The following WLS variants were observed in gnomAD, a reference collection of about 807,000 sequenced individuals.
The protein encoded by WLS is Wnt ligand secretion mediator.
A neutral mutation model predicts 62.8 loss-of-function variants in WLS; 23 were observed. The ratio of observed to expected loss-of-function variants is 0.37; its 90% CI spans 0.26 to 0.52. WLS has a LOEUF of 0.52. Ranked by LOEUF, WLS falls within the 20% of genes least tolerant of loss-of-function variation. The pLI is 0.92. For synonymous variants in WLS, 246 were observed against 244.1 expected (o/e 1.01, Z -0.07); for missense variants, 615 against 697.3 (o/e 0.88, Z 1.33).
At chr1:68,098,600 C>A in exon 12 of WLS, 1 of 1,609,930 alleles carries the variant, frequency 6.2e-7, no homozygotes, top group Non-Finnish European at 8.5e-7. Flanking sequence ...ACTGCAAATG[C>A]AAAGCTGATA....
chr1:68,129,049 G>T (rs1646478358), intron 11 of WLS, among the ~76,000 whole-genome samples: 1 of 152,180 alleles, frequency 6.6e-6, no homozygotes, highest in Non-Finnish European at 1.5e-5. Flanking sequence ...ATACAGCCGG[G>T]TGCGGTGGCT....
rs1380880468 is a variant in WLS, at chr1:68,127,672, CATATG to C, written c.1517-1342_1517-1338del. On this transcript the variant is annotated intron_variant, in intron 11 of 11. Coordinates refer to ENST00000262348, the MANE Select transcript of WLS (RefSeq NM_024911.7). Reference sequence around the variant, plus strand: ...AGTGATTTTTATATTGTGCACATATCATATGATAAGTTTTCTGGAACTGAAGTTTT... The same window carrying C: ...AGTGATTTTTATATTGTGCACATATCATAAGTTTTCTGGAACTGAAGTTTT... Among the ~76,000 whole-genome samples, 10 of 152,296 alleles carry C rather than the reference CATATG, an allele frequency of 6.6e-5. No individual in the cohort carries two copies. In the South Asian group the frequency reaches 8.3e-4, roughly 13 times the overall value.
intron 1 of WLS, chr1:68,231,478 C>G: frequency 3.5e-6 from 1 of 284,522 alleles, no homozygotes; most frequent in South Asian, 3.2e-5. Context: ...AAAGCAACAC[C>G]TTTCGGATAC....
intron 2 of WLS, among the ~76,000 whole-genome samples, chr1:68,193,347 A>G (rs1457159556): frequency 8.1e-6 from 1 of 123,436 alleles, no homozygotes; most frequent in African/African-American, 3.0e-5. Context: ...TTTTCTCCCC[A>G]TGAAAAGTTT....
chr1:68,207,433 C>T (rs959598601), intron 1 of WLS, among the ~76,000 whole-genome samples: 2 of 152,018 alleles, frequency 1.3e-5, no homozygotes, highest in African/African-American at 4.8e-5. Flanking sequence ...AGATCATTGA[C>T]AAAATTTGCT....
At position 68,125,880 on chromosome 1, in the gene WLS, G is replaced by A. The variant is rs1036845150; in HGVS notation, c.*346C>T. On this transcript the variant is annotated 3_prime_UTR_variant, in exon 12 of 12. Transcript: ENST00000262348. Reference sequence around the variant, plus strand: ...ATGTCAAATATTCCACTCCCCATTCGGCCCAAACCATCCCCCAAGGAATAC... The same window carrying A: ...ATGTCAAATATTCCACTCCCCATTCAGCCCAAACCATCCCCCAAGGAATAC... The A allele has an allele frequency of 1.1e-4, 111 of 1,044,072 alleles. No homozygotes were observed. Among genetic ancestry groups the A allele is most frequent in the Non-Finnish European group, 1.2e-4 (105 of 867,892 alleles). 64.7% of individuals were successfully genotyped at this position (1,044,072 alleles called of 1,614,324 possible). A position where few individuals can be genotyped will look rare whatever the true frequency, so the allele number is the denominator to read the frequency against.
At chr1:68,185,162 T>C (rs1570971971) in intron 2 of WLS, among the ~76,000 whole-genome samples, 1 of 152,090 alleles carries the variant, frequency 6.6e-6, no homozygotes. Context: ...TCAAGTCTCA[T>C]AGGTTGAAAG....
At chr1:68,135,779 T>C (rs1267744322) in intron 11 of WLS, among the ~76,000 whole-genome samples, 1 of 152,172 alleles carries the variant, frequency 6.6e-6, no homozygotes, top group African/African-American at 2.4e-5. Flanking sequence ...TCAAGATTCT[T>C]GTCCACAAGC....
At chr1:68,105,662 C>T (rs989743218) in intron 11 of WLS, among the ~76,000 whole-genome samples, 3 of 152,262 alleles carry the variant, frequency 2.0e-5, no homozygotes, top group East Asian at 1.9e-4. Flanking sequence ...CTACCTACCA[C>T]GTATAAATGG....
At position 68,150,139 on chromosome 1, in the gene WLS, C is replaced by T. The variant is rs778192692; in HGVS notation, c.972+49G>A. 6.9e-6 allele frequency: 11 copies of T among 1,592,298 alleles called. No individual in the cohort carries two copies. In the South Asian group the frequency reaches 1.1e-4, roughly 17 times the overall value. ...GGGGGGCAGGTGTCAGCTTGGCAGC[C>T]TGCACAGAGCAGCTGGTACAGACGT... is the stretch of plus-strand genomic sequence containing the variant. On this transcript the variant is annotated intron_variant, in intron 6 of 11. Coordinates refer to ENST00000262348, the MANE Select transcript of WLS (RefSeq NM_024911.7).
intron 11 of WLS, among the ~76,000 whole-genome samples, chr1:68,115,065 C>T (rs906779852): frequency 6.6e-6 from 1 of 152,198 alleles, no homozygotes; most frequent in East Asian, 1.9e-4. Flanking sequence ...CAGGCCTTTC[C>T]CTGGGTCTCA....
chr1:68,129,201 G>A (rs1234689942), intron 11 of WLS, among the ~76,000 whole-genome samples: 1 of 152,134 alleles, frequency 6.6e-6, no homozygotes, highest in Non-Finnish European at 1.5e-5. Flanking sequence ...GCGCATGCCT[G>A]TAAGTCCCAG....
At chr1:68,162,454 A>T in intron 2 of WLS, 1 of 1,613,920 alleles carries the variant, frequency 6.2e-7, no homozygotes. Flanking sequence ...CCCATCCTGC[A>T]AGTAGGGGTC....
intron 2 of WLS, among the ~76,000 whole-genome samples, chr1:68,187,007 C>G (rs111312291): frequency 0.016 from 2,442 of 151,452 alleles, 61 homozygotes; most frequent in African/African-American, 0.056. Flanking sequence ...GTCAGGAGAT[C>G]GAGACCATCC....
At chr1:68,203,474 G>A (rs188725082) in intron 1 of WLS, among the ~76,000 whole-genome samples, 15 of 152,318 alleles carry the variant, frequency 9.8e-5, no homozygotes, top group Admixed American at 4.6e-4. Context: ...TCACTCAAAG[G>A]GAGCCAGCAA....
At chr1:68,150,416 C>G in intron 5 of WLS, 60 bp from the exon 6 acceptor site, 1 of 1,593,380 alleles carries the variant, frequency 6.3e-7, no homozygotes, top group African/African-American at 1.3e-5. Flanking sequence ...GATTTTCAAA[C>G]AATTCCCCGA....
intron 11 of WLS, 151 bp from the exon 12 acceptor site, chr1:68,126,486 T>A (rs1646433362): frequency 2.8e-6 from 3 of 1,080,484 alleles, no homozygotes; most frequent in Non-Finnish European, 4.0e-6. Flanking sequence ...GAACAAGGAC[T>A]AACTCCAAAC....
chr1:68,167,857 T>C (rs1035426465), intron 2 of WLS, among the ~76,000 whole-genome samples: 2 of 152,116 alleles, frequency 1.3e-5, no homozygotes, highest in African/African-American at 4.8e-5. Context: ...TCCATCCTGT[T>C]ATGGGGGCAG....
At chr1:68,120,106 C>T (rs1324104311) in intron 11 of WLS, among the ~76,000 whole-genome samples, 2 of 152,190 alleles carry the variant, frequency 1.3e-5, no homozygotes, top group Non-Finnish European at 2.9e-5. Flanking sequence ...AGGCGCCTAC[C>T]ATTGCCCTAG....
Sources: allele counts gnomAD v4.1 joint callset (sites outside exome capture counted in the v4.1 genomes callset), GRCh38; gene constraint gnomAD v4.1.1; transcripts MANE v1.5; gene names NCBI Gene and HGNC (gene_info 2026-07-23, HGNC 2026-07-21).